DPH6: variants seen among roughly 807,000 people sequenced by gnomAD.
DPH6 encodes diphthamine biosynthesis 6.
DPH6 carries 33 observed loss-of-function variants against 38.2 expected under a neutral mutation model. The ratio of observed to expected loss-of-function variants is 0.86; its 90% CI spans 0.65 to 1.15. The LOEUF (loss-of-function observed/expected upper bound fraction) is 1.15, where lower values mean the gene tolerates loss of function less well. Among genes scored for constraint, DPH6 ranks in the 50% most tolerant of loss-of-function variants. The pLI is 0.00. For missense variants in DPH6, 325 were observed against 320.0 expected, an observed-to-expected ratio of 1.02 and a Z score of -0.12; for synonymous variants, 108 against 103.0, an observed-to-expected ratio of 1.05 and a Z score of -0.30.
Position 35,237,854 on chromosome 15 carries a change from G to A in DPH6, n.201-17272C>T, listed in dbSNP as rs894620511. ...GGAGGAGGAGGAGGATGAGGATGAG[G>A]AGGAGTATGACGAAGATGCTCAGGT... is the stretch of plus-strand genomic sequence containing the variant. On this transcript the variant is annotated intron_variant and non_coding_transcript_variant, in intron 3 of 3. Coordinates refer to the DPH6 transcript ENST00000560386. 3.9e-6 allele frequency: 6 copies of A among 1,528,208 alleles called. No homozygotes were observed. In the African/African-American group the frequency reaches 8.2e-5, roughly 21 times the overall value. 94.7% of individuals were successfully genotyped at this position (1,528,208 alleles called of 1,614,324 possible). A position where few individuals can be genotyped will look rare whatever the true frequency, so the allele number is the denominator to read the frequency against.
chr15:35,266,335 A>C (rs1244179905), intron 3 of DPH6, among the ~76,000 whole-genome samples: 2 of 152,216 alleles, frequency 1.3e-5, no homozygotes, highest in East Asian at 3.8e-4. Flanking sequence ...GAGGGCTATT[A>C]TAGCAGGAGG....
At chr15:35,508,092 C>A (rs1475184390) in intron 3 of DPH6, among the ~76,000 whole-genome samples, 1 of 152,044 alleles carries the variant, frequency 6.6e-6, no homozygotes, top group East Asian at 1.9e-4. Flanking sequence ...GACTGTGCAG[C>A]CCCTGGTTAA....
chr15:35,262,057 C>T (rs2622761), intron 3 of DPH6, among the ~76,000 whole-genome samples: 69,597 of 152,010 alleles, frequency 0.46, 19,508 homozygotes, highest in Non-Finnish European at 0.62. Context: ...TACTTTTCTC[C>T]GTGTTTACTA....
At chr15:35,460,636 C>T (rs551141323) in intron 3 of DPH6, among the ~76,000 whole-genome samples, 4 of 152,298 alleles carry the variant, frequency 2.6e-5, no homozygotes, top group African/African-American at 7.2e-5. Context: ...CTCTCAACAA[C>T]GCTCTGAGGT....
chr15:35,313,408 G>A (rs186367743), intron 3 of DPH6, among the ~76,000 whole-genome samples: 127 of 151,282 alleles, frequency 8.4e-4, no homozygotes, highest in African/African-American at 3.0e-3. Context: ...GGACTACATC[G>A]AATCTGTAAA....
chr15:35,461,442 A>G (rs16961010), intron 3 of DPH6, among the ~76,000 whole-genome samples: 16,160 of 152,254 alleles, frequency 0.11, 961 homozygotes, highest in Middle Eastern at 0.2. Context: ...GAGGCTGGGA[A>G]GCACTATGTA....
At chr15:35,466,697 T>C (rs2054130637) in intron 3 of DPH6, among the ~76,000 whole-genome samples, 1 of 152,188 alleles carries the variant, frequency 6.6e-6, no homozygotes, top group Admixed American at 6.5e-5. Context: ...TTTATATAAA[T>C]GTAGATGGTA....
chr15:35,214,694 G>A (rs796454753), downstream of DPH6, among the ~76,000 whole-genome samples: 18 of 152,174 alleles, frequency 1.2e-4, no homozygotes, highest in African/African-American at 4.1e-4. Flanking sequence ...TGCAACCTCC[G>A]CCTCACGGGT....
chr15:35,191,520 G>A, the DPH6 span, among the ~76,000 whole-genome samples: 1 of 152,154 alleles, frequency 6.6e-6, no homozygotes. Flanking sequence ...GGATGACTAA[G>A]AGGCAGAACA....
downstream of DPH6, among the ~76,000 whole-genome samples, chr15:35,369,781 T>C (rs1481006833): frequency 6.6e-6 from 1 of 151,822 alleles, no homozygotes; most frequent in African/African-American, 2.4e-5. Context: ...ATAAAAAGAC[T>C]CAATATCGTC....
chr15:35,201,864 T>C, the DPH6 span, among the ~76,000 whole-genome samples: 1 of 151,800 alleles, frequency 6.6e-6, no homozygotes, highest in South Asian at 2.1e-4. Context: ...TGGGTTTTTC[T>C]ATGTTGAAAT....
intron 3 of DPH6, among the ~76,000 whole-genome samples, chr15:35,347,549 G>A (rs1440867407): frequency 7.3e-6 from 1 of 136,142 alleles, no homozygotes; most frequent in Non-Finnish European, 1.6e-5. Flanking sequence ...AGACATTTAG[G>A]TTGCTTCCAC....
rs1337174800 is a variant in DPH6 at position 35,410,878 on chromosome 15, T to A, written c.524A>T (p.His175Leu). 1 of 1,605,068 alleles carries A rather than the reference T, an allele frequency of 6.2e-7. No homozygotes were observed. The highest frequency in any genetic ancestry group is 1.3e-5 in the African/African-American group (1 of 74,296). Residue 175 changes from histidine to leucine, a missense_variant, in exon 6 of 9, where the codon CAT becomes CTT. Physicochemically the swap from His to Leu is moderately conservative, Grantham distance 99. Coordinates refer to ENST00000256538, the MANE Select transcript of DPH6 (RefSeq NM_080650.4). ...CATTTGATCCAGGGTTTTCCCAAGA[T>A]GCTTATCAGGATCTAAACCTGCCAA... ...VAALGLDPDK[H>L]LGKTLDQMEP...
Position 35,305,335 on chromosome 15 carries a change from G to A in DPH6, n.200+68186C>T, listed in dbSNP as rs535889512. On this transcript the variant is annotated intron_variant and non_coding_transcript_variant, in intron 3 of 3. Coordinates refer to the DPH6 transcript ENST00000560386. ...CATTAAATAGAAAACAATGACTAAG[G>A]TCTTAAAGAATGTTGAGCTATTTTT... Among the ~76,000 whole-genome samples, 3 of 150,942 alleles carry A rather than the reference G, an allele frequency of 2.0e-5. No homozygotes were observed. The East Asian group carries it at 5.9e-4, about 29-fold the overall frequency.
intron 3 of DPH6, among the ~76,000 whole-genome samples, chr15:35,304,266 C>A (rs1293948195): frequency 6.6e-6 from 1 of 152,132 alleles, no homozygotes; most frequent in Non-Finnish European, 1.5e-5. Flanking sequence ...CTGACTAGAA[C>A]TCACTACTGC....
chr15:35,505,040 A>C (rs769544617), intron 3 of DPH6, among the ~76,000 whole-genome samples: 1 of 152,138 alleles, frequency 6.6e-6, no homozygotes, highest in Non-Finnish European at 1.5e-5. Context: ...AGCTACATTA[A>C]TTCCTACATG....
chr15:35,490,974 G>T (rs12916679), intron 3 of DPH6, among the ~76,000 whole-genome samples: 94,382 of 151,912 alleles, frequency 0.62, 33,356 homozygotes, highest in South Asian at 0.82. Flanking sequence ...GAAACAGAGA[G>T]AAAATGGGGA....
At chr15:35,268,305 G>A (rs2051797675) in intron 3 of DPH6, among the ~76,000 whole-genome samples, 1 of 151,958 alleles carries the variant, frequency 6.6e-6, no homozygotes, top group Admixed American at 6.6e-5. Context: ...TAGGAAGGTG[G>A]AAGATTGAAG....
the DPH6 span, among the ~76,000 whole-genome samples, chr15:35,148,207 C>T: frequency 6.6e-6 from 1 of 152,150 alleles, no homozygotes; most frequent in Non-Finnish European, 1.5e-5. Context: ...TCTATTTCTG[C>T]CACCTCTTTT....
Sources: gnomAD v4.1 joint callset for allele counts (sites outside exome capture counted in the v4.1 genomes callset) on GRCh38, gnomAD v4.1.1 for gene constraint, MANE v1.5 for transcripts, NCBI Gene and HGNC (gene_info 2026-07-23, HGNC 2026-07-21) for gene names.